AKT3: variants seen among roughly 807,000 people sequenced by gnomAD.
AKT3 encodes the protein AKT serine/threonine kinase 3, also known as RAC-gamma serine/threonine-protein kinase.
Under a neutral mutation model 65.3 loss-of-function variants are expected in AKT3, and 15 were observed. The ratio of observed to expected loss-of-function variants is 0.23; its 90% CI spans 0.15 to 0.35. The LOEUF is 0.35. Ranked by LOEUF, AKT3 falls within the 10% of genes least tolerant of loss-of-function variation. The pLI is 1.00. For missense variants in AKT3, 243 were observed against 576.5 expected, an observed-to-expected ratio of 0.42 and a Z score of 5.92; for synonymous variants, 206 against 183.8, an observed-to-expected ratio of 1.12 and a Z score of -0.98.
rs181761083 is a variant in AKT3 at position 243,502,968 on chromosome 1, C to T, written c.*2281G>A. On this transcript the variant is annotated 3_prime_UTR_variant, in exon 14 of 14. Coordinates refer to ENST00000673466, the MANE Select transcript of AKT3 (RefSeq NM_005465.7). ...CCTCTAGAGGAGTAAGTGCTCTGAA[C>T]ATCAGCCAGTCTCAGCTTTCTGCTC... 8.6e-6 allele frequency: 2 copies of T among 233,318 alleles called. No homozygotes were observed. The highest frequency in any genetic ancestry group is 1.2e-4 in the East Asian group (2 of 16,590). The allele number at this position is 233,318 out of a possible 1,614,324, so 14.5% of individuals were successfully genotyped here. A position where few individuals can be genotyped will look rare whatever the true frequency, so the allele number is the denominator to read the frequency against.
chr1:243,694,538 T>A (rs1270065095), intron 3 of AKT3, among the ~76,000 whole-genome samples: 1 of 151,912 alleles, frequency 6.6e-6, no homozygotes, highest in Non-Finnish European at 1.5e-5. Context: ...CTTTTTTTTT[T>A]AAGTTAGTAT....
chr1:243,840,453 T>C (rs1213324312), intron 2 of AKT3, among the ~76,000 whole-genome samples: 1 of 152,154 alleles, frequency 6.6e-6, no homozygotes, highest in East Asian at 1.9e-4. Flanking sequence ...CCATGGCACA[T>C]GTATACCTAT....
chr1:243,658,967 C>T (rs1057267187), intron 4 of AKT3, among the ~76,000 whole-genome samples: 2 of 151,564 alleles, frequency 1.3e-5, no homozygotes, highest in African/African-American at 2.4e-5. Flanking sequence ...GAGTTCCAGG[C>T]TGCAGTAAGC....
chr1:243,798,633 A>G (rs1049461031), intron 2 of AKT3, among the ~76,000 whole-genome samples: 3 of 151,992 alleles, frequency 2.0e-5, no homozygotes, highest in Non-Finnish European at 4.4e-5. Flanking sequence ...GGACAATTCT[A>G]TAGCTCACTC....
intron 3 of AKT3, among the ~76,000 whole-genome samples, chr1:243,666,726 T>C (rs1305067287): frequency 6.6e-6 from 1 of 152,210 alleles, no homozygotes; most frequent in East Asian, 1.9e-4. Flanking sequence ...ATGCATTTAA[T>C]ACACCTAGAC....
At chr1:243,685,411 C>T (rs1011647449) in intron 3 of AKT3, among the ~76,000 whole-genome samples, 6 of 152,118 alleles carry the variant, frequency 3.9e-5, no homozygotes, top group African/African-American at 1.4e-4. Context: ...GCCAGTTTTC[C>T]CAACACCATT....
At chr1:243,606,189 G>A (rs546307776) in intron 8 of AKT3, among the ~76,000 whole-genome samples, 7 of 152,206 alleles carry the variant, frequency 4.6e-5, no homozygotes, top group Non-Finnish European at 1.0e-4. Context: ...GTACCACAGA[G>A]AGTGTGGTGC....
At chr1:243,614,207 T>G (rs1678115156) in intron 7 of AKT3, among the ~76,000 whole-genome samples, 1 of 152,178 alleles carries the variant, frequency 6.6e-6, no homozygotes, top group South Asian at 2.1e-4. Flanking sequence ...AGAGTTGGTT[T>G]ATATAATTTT....
rs1275066421 is a variant in AKT3, at chr1:243,677,771, C to T, written c.173-12888G>A. Among the ~76,000 whole-genome samples, 3 of 152,122 alleles carry T rather than the reference C, an allele frequency of 2.0e-5. No homozygotes were observed. In the East Asian group the frequency reaches 5.8e-4, roughly 29 times the overall value. On this transcript the variant is annotated intron_variant, in intron 3 of 13. Coordinates refer to ENST00000673466, the MANE Select transcript of AKT3 (RefSeq NM_005465.7). The stretch of plus-strand genomic sequence containing the variant: ...ACAATGAATTGTGGAGGATTATAAA[C>T]AAATCAAGTAATTCCATTAAAATCA...
rs761558193 is a variant in AKT3, at chr1:243,505,337, G to A, written c.1355-3C>T. 1 of 1,613,002 alleles carries A rather than the reference G, an allele frequency of 6.2e-7. No homozygotes were observed. Among genetic ancestry groups the A allele is most frequent in the South Asian group, 1.1e-5 (1 of 90,866 alleles). On this transcript the variant is annotated splice_polypyrimidine_tract_variant and splice_region_variant and intron_variant, in intron 13 of 13. Coordinates refer to ENST00000673466, the MANE Select transcript of AKT3 (RefSeq NM_005465.7). Reference sequence around the variant, plus strand: ...GCAGTCCATACCATCCTCATCATCTGTGGGCAGGAAACATCTATTTTAATT... The same window carrying A: ...GCAGTCCATACCATCCTCATCATCTATGGGCAGGAAACATCTATTTTAATT...
intron 8 of AKT3, among the ~76,000 whole-genome samples, chr1:243,575,026 A>C (rs1674840669): frequency 6.6e-6 from 1 of 152,152 alleles, no homozygotes; most frequent in Non-Finnish European, 1.5e-5. Flanking sequence ...AATTATATTT[A>C]AGGGTAAGAA....
rs535073374 is a variant in AKT3 at position 243,843,841 on chromosome 1, G to A, written c.-112-559C>T. 2.7e-3 allele frequency among the ~76,000 whole-genome samples: 378 copies of A among 141,484 alleles called. 2 individuals are homozygous for A. Among genetic ancestry groups the A allele is most frequent in the African/African-American group, 9.4e-3 (352 of 37,422 alleles). The allele number at this position is 141,484 out of a possible 152,430, so 92.8% of individuals were successfully genotyped here. A position where few individuals can be genotyped will look rare whatever the true frequency, so the allele number is the denominator to read the frequency against. On this transcript the variant is annotated intron_variant, in intron 1 of 13. Transcript: ENST00000673466. ...TAATTTTTGTATTTTTAGTAGAAAC[G>A]GGGTTTCACCATATTGGCCAGGCTG...
chr1:243,546,766 A>G (rs970863040), intron 11 of AKT3: 1 of 152,110 alleles, frequency 6.6e-6, no homozygotes, highest in African/African-American at 2.4e-5. Context: ...TACAAAGATC[A>G]TAAAACATAC....
At chr1:243,739,240 T>C (rs1688007534) in intron 2 of AKT3, among the ~76,000 whole-genome samples, 1 of 152,156 alleles carries the variant, frequency 6.6e-6, no homozygotes, top group African/African-American at 2.4e-5. Flanking sequence ...GAATAATATA[T>C]TTAACCAAGT....
chr1:243,588,862 C>G (rs1200752476), intron 8 of AKT3, among the ~76,000 whole-genome samples: 1 of 152,056 alleles, frequency 6.6e-6, no homozygotes, highest in Non-Finnish European at 1.5e-5. Context: ...ACCAAAAGCA[C>G]AAGCAACAAA....
chr1:243,601,774 A>G (rs1314772817), intron 8 of AKT3, among the ~76,000 whole-genome samples: 1 of 152,230 alleles, frequency 6.6e-6, no homozygotes, highest in Non-Finnish European at 1.5e-5. Context: ...ATAAATTTTA[A>G]AAGTATTATG....
At chr1:243,772,692 T>G (rs1444366455) in intron 2 of AKT3, among the ~76,000 whole-genome samples, 1 of 152,126 alleles carries the variant, frequency 6.6e-6, no homozygotes, top group Non-Finnish European at 1.5e-5. Context: ...ACTGGGTATA[T>G]CCCCAAAGGA....
chr1:243,672,161 T>A (rs961832863), intron 3 of AKT3, among the ~76,000 whole-genome samples: 1 of 152,196 alleles, frequency 6.6e-6, no homozygotes, highest in African/African-American at 2.4e-5. Flanking sequence ...GGTTATCCCC[T>A]AGCAGGATGC....
At chr1:243,530,414 T>C (rs1433043248) in intron 12 of AKT3, among the ~76,000 whole-genome samples, 12 of 152,218 alleles carry the variant, frequency 7.9e-5, no homozygotes, top group Non-Finnish European at 1.8e-4. Context: ...AACGTGTTCC[T>C]GAATTACTTT....
Sources: gnomAD v4.1 joint callset for allele counts (sites outside exome capture counted in the v4.1 genomes callset) on GRCh38, gnomAD v4.1.1 for gene constraint, MANE v1.5 for transcripts, NCBI Gene and HGNC (gene_info 2026-07-23, HGNC 2026-07-21) for gene names.